Variants in PTPRD observed in about 807,000 individuals in gnomAD.
PTPRD encodes the protein protein tyrosine phosphatase receptor type D.
PTPRD carries 34 observed loss-of-function variants against 214.5 expected under a neutral mutation model. The ratio of observed to expected loss-of-function variants is 0.16; its 90% CI spans 0.12 to 0.21. PTPRD has a LOEUF of 0.21. PTPRD is among the 10% of genes least tolerant of loss of function. The pLI is 1.00. For missense variants in PTPRD, 2,545 were observed against 2,398.7 expected (o/e 1.06, Z -1.27); for synonymous variants, 1,128 against 845.7 (o/e 1.33, Z -5.79).
intron 23 of PTPRD, among the ~76,000 whole-genome samples, chr9:8,503,810 C>T (rs1223931831): frequency 6.6e-6 from 1 of 152,160 alleles, no homozygotes; most frequent in South Asian, 2.1e-4. Flanking sequence ...GAAACAAATA[C>T]ATGAAATAAG....
intron 11 of PTPRD, among the ~76,000 whole-genome samples, chr9:8,870,687 AACACAC>A (rs3046878): frequency 0.012 from 1,522 of 131,458 alleles, 29 homozygotes; most frequent in African/African-American, 0.041. Flanking sequence ...ACAGACATGA[AACACAC>A]ACACACACAC....
rs142234865 is a variant in PTPRD, at chr9:9,193,572, C to T, written c.-202-10209G>A. On this transcript the variant is annotated intron_variant, in intron 9 of 45. Transcript: ENST00000381196. The stretch of plus-strand genomic sequence containing the variant: ...TATAGCCTATTTCTCCTAGGCTACA[C>T]GCCTACACATCATGTTACCATGCTG... 4.8e-3 allele frequency among the ~76,000 whole-genome samples: 728 copies of T among 152,248 alleles called. 6 individuals are homozygous for T. The highest frequency in any genetic ancestry group is 0.016 in the African/African-American group (684 of 41,552).
intron 14 of PTPRD, among the ~76,000 whole-genome samples, chr9:8,565,610 C>T (rs2088684295): frequency 1.3e-5 from 2 of 151,736 alleles, no homozygotes; most frequent in African/African-American, 4.9e-5. Context: ...CCATACTTGA[C>T]ATAAAAATTA....
rs547045084 is a variant in PTPRD, at chr9:10,561,590, A to G, written c.-600+50808T>C. ...ATTCAATAGAGACCAAATATAACCC[A>G]GGAATAAAACCCAGGACTCCCAAAT... On this transcript the variant is annotated intron_variant, in intron 2 of 45. Coordinates refer to ENST00000381196, the MANE Select transcript of PTPRD (RefSeq NM_002839.4). 2.6e-5 allele frequency among the ~76,000 whole-genome samples: 4 copies of G among 152,330 alleles called. No individual in the cohort carries two copies. In the South Asian group the frequency reaches 6.2e-4, roughly 24 times the overall value.
chr9:8,413,101 C>T (rs1456298689), intron 35 of PTPRD, among the ~76,000 whole-genome samples: 1 of 152,076 alleles, frequency 6.6e-6, no homozygotes, highest in Non-Finnish European at 1.5e-5. Context: ...AACAGTAATT[C>T]TTTTAATCAA....
At chr9:9,802,287 G>A (rs562469206) in intron 5 of PTPRD, among the ~76,000 whole-genome samples, 11 of 151,880 alleles carry the variant, frequency 7.2e-5, no homozygotes, top group Admixed American at 4.6e-4. Flanking sequence ...TGTTTCCCTC[G>A]TTTTTCATCC....
At chr9:8,455,332 G>T (rs1564936454) in intron 33 of PTPRD, among the ~76,000 whole-genome samples, 1 of 152,184 alleles carries the variant, frequency 6.6e-6, no homozygotes, top group Admixed American at 6.5e-5. Flanking sequence ...TTCCTAGTCT[G>T]TGGTGCTGTC....
intron 9 of PTPRD, among the ~76,000 whole-genome samples, chr9:9,234,709 C>A (rs1213781987): frequency 6.6e-6 from 1 of 152,168 alleles, no homozygotes; most frequent in Admixed American, 6.6e-5. Context: ...AGTCTCTTTG[C>A]TAAAGGATAG....
intron 3 of PTPRD, among the ~76,000 whole-genome samples, chr9:10,302,429 A>G (rs1305281003): frequency 2.6e-5 from 4 of 152,188 alleles, no homozygotes; most frequent in Non-Finnish European, 5.9e-5. Flanking sequence ...TTAACCGTAA[A>G]TGTAAATGGG....
At chr9:10,050,231 T>G (rs1567322515) in intron 3 of PTPRD, among the ~76,000 whole-genome samples, 1 of 151,680 alleles carries the variant, frequency 6.6e-6, no homozygotes, top group African/African-American at 2.4e-5. Flanking sequence ...GGGATGTGCT[T>G]GGCCATACTT....
At chr9:8,706,082 C>T (rs1294425118) in intron 12 of PTPRD, among the ~76,000 whole-genome samples, 1 of 152,120 alleles carries the variant, frequency 6.6e-6, no homozygotes, top group Non-Finnish European at 1.5e-5. Flanking sequence ...GCCAGACTCA[C>T]TTAGTCCAAG....
intron 4 of PTPRD, among the ~76,000 whole-genome samples, chr9:10,028,410 T>C (rs776392681): frequency 6.6e-6 from 1 of 152,146 alleles, no homozygotes; most frequent in Non-Finnish European, 1.5e-5. Flanking sequence ...ACTTCAGAAC[T>C]GTGTAACAGG....
intron 10 of PTPRD, among the ~76,000 whole-genome samples, chr9:9,133,391 C>T (rs565140611): frequency 6.6e-6 from 1 of 152,172 alleles, no homozygotes; most frequent in African/African-American, 2.4e-5. Context: ...AAATATTAAT[C>T]AACATTATCT....
intron 11 of PTPRD, among the ~76,000 whole-genome samples, chr9:8,877,148 A>G (rs145528005): frequency 0.029 from 4,409 of 152,134 alleles, 84 homozygotes; most frequent in South Asian, 0.039. Flanking sequence ...GATGGTCTCC[A>G]TCTCCTGACC....
chr9:9,242,799 C>T lies in PTPRD; in HGVS notation c.-202-59436G>A, dbSNP rs138938934. 1.4e-3 allele frequency among the ~76,000 whole-genome samples: 213 copies of T among 152,254 alleles called. 1 individual carries two copies. The highest frequency in any genetic ancestry group is 5.0e-3 in the African/African-American group (209 of 41,568). On this transcript the variant is annotated intron_variant, in intron 9 of 45. Coordinates refer to ENST00000381196, the MANE Select transcript of PTPRD (RefSeq NM_002839.4). Reference sequence around the variant, plus strand: ...CGATGGTTTCAAACTCCTCCCTTAGCTCTGAGAATTTTGATCATCTGCAGC... The same window carrying T: ...CGATGGTTTCAAACTCCTCCCTTAGTTCTGAGAATTTTGATCATCTGCAGC...
chr9:8,586,896 C>G (rs1467280746), intron 14 of PTPRD, among the ~76,000 whole-genome samples: 2 of 152,114 alleles, frequency 1.3e-5, no homozygotes, highest in African/African-American at 4.8e-5. Context: ...GCCTGTAATC[C>G]CAGCACTTTG....
intron 12 of PTPRD, among the ~76,000 whole-genome samples, chr9:8,724,943 T>A (rs545443605): frequency 6.6e-6 from 1 of 152,136 alleles, no homozygotes; most frequent in East Asian, 1.9e-4. Context: ...GTGTCCAAAA[T>A]AAATAATAAT....
chr9:8,805,516 A>G (rs1011465511), intron 11 of PTPRD, among the ~76,000 whole-genome samples: 11 of 152,040 alleles, frequency 7.2e-5, no homozygotes, highest in Non-Finnish European at 1.6e-4. Flanking sequence ...AGAAAAAAAA[A>G]ACAGAAAAAT....
At chr9:9,487,025 T>A (rs2095666802) in intron 8 of PTPRD, among the ~76,000 whole-genome samples, 1 of 152,210 alleles carries the variant, frequency 6.6e-6, no homozygotes, top group African/African-American at 2.4e-5. Flanking sequence ...GTTTTAATAA[T>A]AAAATAGAGC....
Sources: allele counts gnomAD v4.1 joint callset (sites outside exome capture counted in the v4.1 genomes callset), GRCh38; gene constraint gnomAD v4.1.1; transcripts MANE v1.5; gene names NCBI Gene and HGNC (gene_info 2026-07-23, HGNC 2026-07-21).